UNC13D: variants seen among roughly 807,000 people sequenced by gnomAD.
The protein encoded by UNC13D is protein unc-13 homolog D.
In UNC13D, 115 loss-of-function variants were observed where a neutral mutation model predicts 151.7. That is an observed-to-expected ratio of 0.76 (90% CI 0.65 to 0.88). UNC13D has a LOEUF of 0.88. Among genes scored for constraint, UNC13D ranks in the 40% least tolerant of loss-of-function variants. The pLI, the probability that UNC13D is intolerant of heterozygous loss-of-function variation, is 0.00. For synonymous variants in UNC13D, 588 were observed against 612.2 expected (o/e 0.96, Z 0.58); for missense variants, 1,369 against 1,438.7 (o/e 0.95, Z 0.78).
chr17:75,835,340 A>C, intron 20 of UNC13D, 69 bp downstream of exon 20: 1 of 1,577,112 alleles, frequency 6.3e-7, no homozygotes, highest in Non-Finnish European at 8.6e-7. Flanking sequence ...TACGCTTTGG[A>C]GGTCCAGGCA....
rs779268147 is a variant in UNC13D, at chr17:75,827,593, C to G, written c.*372G>C. 6.5e-7 allele frequency: 1 copy of G among 1,532,868 alleles called. No individual in the cohort carries two copies. Among genetic ancestry groups the G allele is most frequent in the Non-Finnish European group, 8.7e-7 (1 of 1,146,660 alleles). 95.0% of individuals were successfully genotyped at this position (1,532,868 alleles called of 1,614,324 possible). ...GTCCCAGTGAACCTGGCCCCCACCC[C>G]AGTGGCTGGAACAGGAAGGCCAGGA... On this transcript the variant is annotated 3_prime_UTR_variant, in exon 32 of 32. Coordinates refer to ENST00000207549, the MANE Select transcript of UNC13D (RefSeq NM_199242.3).
At chr17:75,831,210 C>T (rs2064870131) in intron 26 of UNC13D, 33 bp downstream of exon 26, 1 of 1,614,022 alleles carries the variant, frequency 6.2e-7, no homozygotes, top group South Asian at 1.1e-5. Context: ...ACCCTCCCAC[C>T]AGGGTTATCA....
chr17:75,834,164 A>G (rs369242620), intron 23 of UNC13D, 21 bp from the exon 24 acceptor site: 10 of 1,613,248 alleles, frequency 6.2e-6, no homozygotes, highest in East Asian at 2.2e-5. Flanking sequence ...AAAACGGAAG[A>G]AGGAGGGAGG....
Position 75,828,907 on chromosome 17 carries a change from C to T in UNC13D, c.3031G>A (p.Ala1011Thr). The change falls in exon 31 of 32, where the codon GCC (alanine) becomes ACC (threonine). Residue 1011 changes from alanine to threonine, a missense_variant. Coordinates refer to ENST00000207549, the MANE Select transcript of UNC13D (RefSeq NM_199242.3). ...LTVLDYDTLGADDLEGEAFLP... is the reference protein window; with the variant it reads ...LTVLDYDTLGTDDLEGEAFLP... ...AAGGCCTCGCCTTCCAGGTCGTCGG[C>T]CCCCAGCGTGTCGTAGTCCAGCACG... 2.5e-6 allele frequency: 4 copies of T among 1,607,092 alleles called. No homozygotes were observed. The highest frequency in any genetic ancestry group is 3.4e-6 in the Non-Finnish European group (4 of 1,179,694).
chr17:75,839,921 C>G lies in UNC13D; in HGVS notation c.973G>C (p.Gly325Arg). Residue 325 changes from glycine to arginine, a missense_variant, in exon 12 of 32, where the codon GGG (glycine) becomes CGG (arginine). Gly to Arg is a moderately radical substitution (Grantham distance 125). Coordinates refer to ENST00000207549, the MANE Select transcript of UNC13D (RefSeq NM_199242.3). Reference sequence around the variant, plus strand: ...GTGGCAGCCTGGGGACTCAGCGACCCGTCCCAGGAGGTGCTTCCCGCCTGA... The same window carrying G: ...GTGGCAGCCTGGGGACTCAGCGACCGGTCCCAGGAGGTGCTTCCCGCCTGA... ...QHEAGSTSWD[G>R]SLSPQAATVL... 1.8e-5 allele frequency: 29 copies of G among 1,613,768 alleles called. No individual in the cohort carries two copies. Among genetic ancestry groups the G allele is most frequent in the Non-Finnish European group, 2.4e-5 (28 of 1,179,998 alleles).
Position 75,828,009 on chromosome 17 carries a change from G to A in UNC13D, c.3229C>T (p.Arg1077Trp), listed in dbSNP as rs755075433. The change falls in exon 32 of 32, where the codon CGG becomes TGG. Residue 1077 changes from arginine to tryptophan, a missense_variant. Arg to Trp is a moderately radical substitution (Grantham distance 101, BLOSUM62 -3). Coordinates refer to ENST00000207549, the MANE Select transcript of UNC13D (RefSeq NM_199242.3). ...GCATGCTGGGAGGCCTGCTTGGCCC[G>A]GTGCCGCCGCAGCCTCACAAAGACC... is the stretch of plus-strand genomic sequence containing the variant. ...AQVFVRLRRH[R>W]AKQASQHALR... 23 of 1,596,638 alleles carry A rather than the reference G, an allele frequency of 1.4e-5. No individual in the cohort carries two copies. The highest frequency in any genetic ancestry group is 5.6e-5 in the South Asian group (5 of 88,702).
rs2064876926 is a variant in UNC13D, at chr17:75,832,127, A to C, written c.2448-779T>G. 1 of 152,320 alleles carries C rather than the reference A, an allele frequency of 6.6e-6. No homozygotes were observed. The allele number at this position is 152,320 out of a possible 1,614,324, so 9.4% of individuals were successfully genotyped here. ...GCGAGACTCCGTCTCAAAAAAATAA[A>C]AAATATATATACATGGTTTAAGAAA... On this transcript the variant is annotated intron_variant, in intron 25 of 31. Coordinates refer to ENST00000207549, the MANE Select transcript of UNC13D (RefSeq NM_199242.3). The surrounding 1 kb of genome is among the most constrained non-coding windows in gnomAD (Gnocchi z 4.3).
intron 24 of UNC13D, 29 bp downstream of exon 24, chr17:75,834,046 G>A (rs1332426322): frequency 5.6e-6 from 9 of 1,612,904 alleles, no homozygotes; most frequent in African/African-American, 1.3e-5. Flanking sequence ...GCAGGGTGGT[G>A]AAGGCCAGCA....
intron 12 of UNC13D, 147 bp from the exon 13 acceptor site, chr17:75,837,065 G>T: frequency 1.5e-6 from 1 of 674,054 alleles, no homozygotes; most frequent in South Asian, 1.8e-5. Context: ...GATTGTTTTT[G>T]TTTTGTGTTT....
rs2064877025 is a variant in UNC13D, at chr17:75,832,134, A to G, written c.2448-786T>C. On this transcript the variant is annotated intron_variant, in intron 25 of 31. Transcript: ENST00000207549. The surrounding 1 kb of genome is among the most constrained non-coding windows in gnomAD (Gnocchi z 4.3). ...TCCGTCTCAAAAAAATAAAAAATATATATACATGGTTTAAGAAATAAAAAC... is the reference window on the plus strand; with the variant it reads ...TCCGTCTCAAAAAAATAAAAAATATGTATACATGGTTTAAGAAATAAAAAC... 6.6e-6 allele frequency: 1 copy of G among 152,164 alleles called. No individual in the cohort carries two copies. The highest frequency in any genetic ancestry group is 1.5e-5 in the Non-Finnish European group (1 of 68,088). 9.4% of individuals were successfully genotyped at this position (152,164 alleles called of 1,614,324 possible).
intron 21 of UNC13D, 83 bp from the exon 22 acceptor site, chr17:75,834,799 G>A (rs1014534717): frequency 4.2e-5 from 67 of 1,606,854 alleles, no homozygotes; most frequent in African/African-American, 5.3e-5. Context: ...GAATTTCAGC[G>A]ACTTGGGGGA....
Position 75,834,696 on chromosome 17 carries a change from C to G in UNC13D, c.2013G>C (p.Leu671=), listed in dbSNP as rs748540714. The G allele has an allele frequency of 1.9e-6, 3 of 1,613,682 alleles. No homozygotes were observed. The Admixed American group carries it at 5.0e-5, about 27-fold the overall frequency. ...GGGCCTTTATAAGGCTGCAGTACAC[C>G]AGGGCCAGGCGACAGGTGTCCTAGG... ...KFVEDTCRLA[L]VYCSLIKARA... The change falls in exon 22 of 32, where the codon CTG becomes CTC. Residue 671 remains leucine, a synonymous_variant. Transcript: ENST00000207549.
chr17:75,830,102 G>T lies in UNC13D; in HGVS notation c.2880C>A (p.Phe960Leu). 1 of 1,584,372 alleles carries T rather than the reference G, an allele frequency of 6.3e-7. No homozygotes were observed. Among genetic ancestry groups the T allele is most frequent in the East Asian group, 2.3e-5 (1 of 43,374 alleles). The change falls in exon 30 of 32, where the codon TTC becomes TTA. Residue 960 changes from phenylalanine to leucine, a missense_variant. Coordinates refer to ENST00000207549, the MANE Select transcript of UNC13D (RefSeq NM_199242.3). ...VQLTLEPRHE[F>L]PELAARETQK... ...GGGTCTCCCGGGCGGCCAGCTCAGG[G>T]AACTCATGCCTGGGCTCCAAGGTCA...
chr17:75,840,613 A>T lies in UNC13D; in HGVS notation c.684-37T>A, dbSNP rs1243615739. 1 of 1,613,572 alleles carries T rather than the reference A, an allele frequency of 6.2e-7. No individual in the cohort carries two copies. Among genetic ancestry groups the T allele is most frequent in the Admixed American group, 1.7e-5 (1 of 59,992 alleles). ...AGGGTCCCATAAGGGGGACGCAGCA[A>T]GGGTCGGAAGGGATTAGGCTGGAAT... On this transcript the variant is annotated intron_variant, in intron 8 of 31. Transcript: ENST00000207549. This position sits in a 1 kb window ranked among gnomAD's most constrained non-coding sequence, Gnocchi z 4.6.
At chr17:75,839,758 C>G in intron 12 of UNC13D, 81 bp downstream of exon 12, 1 of 1,448,458 alleles carries the variant, frequency 6.9e-7, no homozygotes, top group Non-Finnish European at 9.7e-7. Context: ...GAGAATTACA[C>G]TTTGGGCTAC....
At chr17:75,843,557 C>A in intron 1 of UNC13D, 38 bp from the exon 2 acceptor site, 1 of 1,605,474 alleles carries the variant, frequency 6.2e-7, no homozygotes, top group Non-Finnish European at 8.5e-7. Flanking sequence ...CCCGGGAGGC[C>A]CAGAGCAGGC....
Position 75,836,611 on chromosome 17 carries a change from G to GAGAGGGGGAAGAC in UNC13D, c.1246_1258dup (p.Ser420CysfsTer45). 1.2e-6 allele frequency: 2 copies of GAGAGGGGGAAGAC among 1,613,826 alleles called. No homozygotes were observed. The highest frequency in any genetic ancestry group is 1.7e-6 in the Non-Finnish European group (2 of 1,180,024). ...CAGCCGGGCTGGGGAGTCCGAGACA[G>GAGAGGGGGAAGAC]AGAGGGGGAAGACAGAGCGGAACCT... On this transcript the variant is annotated frameshift_variant, in exon 14 of 32. Transcript: ENST00000207549. LOFTEE classifies it high-confidence loss of function.
Position 75,840,706 on chromosome 17 carries a change from G to A in UNC13D, c.683+56C>T, listed in dbSNP as rs1361486221. The A allele has an allele frequency of 2.5e-6, 4 of 1,612,658 alleles. No homozygotes were observed. The highest frequency in any genetic ancestry group is 3.3e-5 in the Admixed American group (2 of 59,996). ...CCCCAGCATCCAGTGTGCATGTTGGGGGATGGAGGGCAAAAGGAGCCCCAA... is the reference window on the plus strand; with the variant it reads ...CCCCAGCATCCAGTGTGCATGTTGGAGGATGGAGGGCAAAAGGAGCCCCAA... On this transcript the variant is annotated intron_variant, in intron 8 of 31. Transcript: ENST00000207549. This position sits in a 1 kb window ranked among gnomAD's most constrained non-coding sequence, Gnocchi z 4.6.
At chr17:75,839,299 G>C (rs1480312017) in intron 12 of UNC13D, among the ~76,000 whole-genome samples, 1 of 151,972 alleles carries the variant, frequency 6.6e-6, no homozygotes, top group Admixed American at 6.5e-5. Context: ...CTACTCGGGA[G>C]GCTGAGGCAG....
Sources: allele counts gnomAD v4.1 joint callset (sites outside exome capture counted in the v4.1 genomes callset), GRCh38; gene constraint gnomAD v4.1.1; non-coding constraint Gnocchi (gnomAD v3.1); transcripts MANE v1.5; gene names NCBI Gene and HGNC (gene_info 2026-07-23, HGNC 2026-07-21).